Variants in USP34 observed in about 807,000 individuals in gnomAD.
The protein encoded by USP34 is ubiquitin carboxyl-terminal hydrolase 34.
USP34 carries 70 observed loss-of-function variants against 460.3 expected under a neutral mutation model. The observed-to-expected ratio is 0.15, with a 90% CI of 0.13 to 0.19. The LOEUF (loss-of-function observed/expected upper bound fraction) is 0.19, where lower values mean the gene tolerates loss of function less well. Ranked by LOEUF, USP34 falls within the 10% of genes least tolerant of loss-of-function variation. The probability of loss-of-function intolerance (pLI) is 1.00; values close to 1 mark genes in which losing one functional copy is unlikely to be tolerated. For synonymous variants in USP34, 1,647 were observed against 1,405.3 expected, an observed-to-expected ratio of 1.17 and a Z score of -3.85; for missense variants, 3,985 against 4,236.2, an observed-to-expected ratio of 0.94 and a Z score of 1.65.
At chr2:61,324,618 T>A (rs931024983) in intron 21 of USP34, among the ~76,000 whole-genome samples, 5 of 151,962 alleles carry the variant, frequency 3.3e-5, no homozygotes, top group African/African-American at 9.7e-5. Flanking sequence ...ATGAAAATTT[T>A]AAAAAAATTA....
In USP34 at chr2:61,281,093, A is replaced by G. The variant is rs773140837; in HGVS notation, c.5148T>C (p.Ile1716=). The part of the protein sequence containing the change: ...FLPDAQALKP[I]RIDDYEEEPI... ...TCTAAACACAGTAAAATCTTACCCTAATAGGTTTGAGTGCTTGAGCATCAG... is the reference window on the plus strand; with the variant it reads ...TCTAAACACAGTAAAATCTTACCCTGATAGGTTTGAGTGCTTGAGCATCAG... The change falls in exon 38 of 80, where the codon ATT becomes ATC. Residue 1716 remains isoleucine (I), a synonymous_variant. Coordinates refer to ENST00000398571, the MANE Select transcript of USP34 (RefSeq NM_014709.4). 1 of 1,613,274 alleles carries G rather than the reference A, an allele frequency of 6.2e-7. No homozygotes were observed. The highest frequency in any genetic ancestry group is 1.1e-5 in the South Asian group (1 of 90,974).
chr2:61,269,012 T>C (rs1466735523), intron 41 of USP34, among the ~76,000 whole-genome samples: 1 of 150,966 alleles, frequency 6.6e-6, no homozygotes, highest in Non-Finnish European at 1.5e-5. Flanking sequence ...AAATATTTTA[T>C]TAACTTACAT....
chr2:61,382,509 C>A (rs1194180349), intron 6 of USP34, among the ~76,000 whole-genome samples: 1 of 152,212 alleles, frequency 6.6e-6, no homozygotes, highest in African/African-American at 2.4e-5. Context: ...CCCTCTGTAT[C>A]ACACTAACTT....
chr2:61,194,015 T>C (rs748600542), intron 75 of USP34: 75 of 671,180 alleles, frequency 1.1e-4, no homozygotes, highest in Non-Finnish European at 1.3e-4. Context: ...AAAAAAAATT[T>C]AAAAATATGA....
At chr2:61,260,824 A>G (rs1333643068) in intron 43 of USP34, among the ~76,000 whole-genome samples, 1 of 152,212 alleles carries the variant, frequency 6.6e-6, no homozygotes, top group African/African-American at 2.4e-5. Context: ...ACCTGGATTT[A>G]TATTTTTATT....
intron 57 of USP34, among the ~76,000 whole-genome samples, chr2:61,232,860 TC>T (rs1165219820): frequency 9.9e-4 from 66 of 66,448 alleles, no homozygotes; most frequent in Middle Eastern, 0.011. Context: ...ATATATATAT[TC>T]CCCCCCCCCT....
At chr2:61,401,679 G>C (rs995815506) in intron 3 of USP34, among the ~76,000 whole-genome samples, 1 of 148,638 alleles carries the variant, frequency 6.7e-6, no homozygotes, top group African/African-American at 2.5e-5. Context: ...CTCCAGAGTA[G>C]CTGGGACTAC....
rs1267432868 is a variant in USP34, at chr2:61,188,566, A to C, written c.10177T>G (p.Ser3393Ala). The change falls in exon 80 of 80, where the codon TCC becomes GCC. Residue 3393 changes from serine to alanine, a missense_variant. Coordinates refer to ENST00000398571, the MANE Select transcript of USP34 (RefSeq NM_014709.4). ...TCAGTTCCTGGATCAATAATTGAGGAGTCTCTGGTCTCATTGTCAGAAGTG... is the reference window on the plus strand; with the variant it reads ...TCAGTTCCTGGATCAATAATTGAGGCGTCTCTGGTCTCATTGTCAGAAGTG... ...TSTSDNETRD[S>A]SIIDPGTEQD... The C allele has an allele frequency of 6.2e-7, 1 of 1,614,046 alleles. No individual in the cohort carries two copies. The highest frequency in any genetic ancestry group is 8.5e-7 in the Non-Finnish European group (1 of 1,180,042).
At chr2:61,428,852 T>C (rs1694584206) in intron 1 of USP34, among the ~76,000 whole-genome samples, 1 of 152,094 alleles carries the variant, frequency 6.6e-6, no homozygotes, top group Non-Finnish European at 1.5e-5. Context: ...ATTGAAACAG[T>C]AACAATAACC....
intron 1 of USP34, among the ~76,000 whole-genome samples, chr2:61,433,478 A>G (rs907620144): frequency 6.6e-6 from 1 of 152,124 alleles, no homozygotes; most frequent in African/African-American, 2.4e-5. Flanking sequence ...TACTAAAAAT[A>G]TAAAAATTAG....
chr2:61,392,710 T>C (rs773365115), intron 5 of USP34, among the ~76,000 whole-genome samples: 24 of 152,216 alleles, frequency 1.6e-4, no homozygotes, highest in Admixed American at 1.1e-3. Context: ...AAGCTTTCCA[T>C]ACTAGACTGT....
At chr2:61,198,054 G>A (rs546580482) in intron 75 of USP34, among the ~76,000 whole-genome samples, 18 of 152,228 alleles carry the variant, frequency 1.2e-4, no homozygotes, top group Admixed American at 4.6e-4. Context: ...CCACTGTGCC[G>A]GGCCGGCAGT....
rs1693229613 is a variant in USP34, at chr2:61,388,285, T to C, written c.754-4949A>G. ...ACAATGAGCTACTACTATAAATCCA[T>C]TAGAAATCTATAAAAAACCAAGTCA... On this transcript the variant is annotated intron_variant, in intron 5 of 79. Coordinates refer to ENST00000398571, the MANE Select transcript of USP34 (RefSeq NM_014709.4). Among the ~76,000 whole-genome samples, 4 of 151,752 alleles carry C rather than the reference T, an allele frequency of 2.6e-5. No homozygotes were observed. The South Asian group carries it at 8.3e-4, about 32-fold the overall frequency.
At position 61,339,422 on chromosome 2, in the gene USP34, T is replaced by G. The variant is rs370987714; in HGVS notation, c.2673A>C (p.Val891=). The change falls in exon 18 of 80, where the codon GTA becomes GTC. Residue 891 remains valine, a synonymous_variant. Transcript: ENST00000398571. ...NEAEKLLCSL[V]CWFTDRQIRM... is the part of the protein sequence containing the mutation. ...GAATTTGTCTATCTGTAAACCAACA[T>G]ACTAACGAACAAAGAAGTTTCTCTG... The G allele has an allele frequency of 6.2e-7, 1 of 1,606,484 alleles. No individual in the cohort carries two copies. Among genetic ancestry groups the G allele is most frequent in the Non-Finnish European group, 8.5e-7 (1 of 1,176,472 alleles).
At chr2:61,334,823 T>G (rs1484149012) in intron 18 of USP34, among the ~76,000 whole-genome samples, 1 of 152,152 alleles carries the variant, frequency 6.6e-6, no homozygotes, top group Non-Finnish European at 1.5e-5. Context: ...TTCCTTCTAC[T>G]CCTACCCTAA....
At chr2:61,307,557 T>TA (rs994021319) in intron 27 of USP34, among the ~76,000 whole-genome samples, 153 of 146,788 alleles carry the variant, frequency 1.0e-3, no homozygotes, top group African/African-American at 2.6e-3. Context: ...GGATGTTAAT[T>TA]AAAAAAAAAA....
intron 16 of USP34, among the ~76,000 whole-genome samples, chr2:61,342,279 TA>T (rs1471641411): frequency 2.7e-5 from 4 of 149,824 alleles, no homozygotes; most frequent in Non-Finnish European, 5.9e-5. Context: ...ACTGAGAGTG[TA>T]CTTACTGGCC....
At chr2:61,382,984 CACTT>C (rs1333602184) in intron 6 of USP34, among the ~76,000 whole-genome samples, 23 of 152,256 alleles carry the variant, frequency 1.5e-4, no homozygotes, top group African/African-American at 4.3e-4. Flanking sequence ...ACGTAACAGA[CACTT>C]ACTGTGTATT....
intron 75 of USP34, chr2:61,193,203 T>C (rs1442015896): frequency 8.1e-6 from 3 of 370,218 alleles, no homozygotes; most frequent in East Asian, 9.5e-5. Flanking sequence ...CTGAAGGATA[T>C]GGGACTTAAA....
Sources: gnomAD v4.1 joint callset for allele counts (sites outside exome capture counted in the v4.1 genomes callset) on GRCh38, gnomAD v4.1.1 for gene constraint, MANE v1.5 for transcripts, NCBI Gene and HGNC (gene_info 2026-07-23, HGNC 2026-07-21) for gene names.